The following ASIP variants were observed in gnomAD, a reference collection of about 807,000 sequenced individuals.
ASIP encodes agouti signaling protein.
Under a neutral mutation model 10.3 loss-of-function variants are expected in ASIP, and 11 were observed. The observed-to-expected ratio is 1.07, with a 90% CI of 0.68 to 1.78. The LOEUF is 1.78. Ranked by LOEUF, ASIP falls within the 40% of genes most tolerant of loss-of-function variation. The probability of loss-of-function intolerance (pLI) is 0.00; values close to 1 mark genes in which losing one functional copy is unlikely to be tolerated. For missense variants in ASIP, 180 were observed against 169.2 expected, an observed-to-expected ratio of 1.06 and a Z score of -0.35; for synonymous variants, 70 against 70.8, an observed-to-expected ratio of 0.99 and a Z score of 0.06.
intron 1 of ASIP, among the ~76,000 whole-genome samples, chr20:34,209,662 G>C (rs976714491): frequency 1.1e-4 from 16 of 152,224 alleles, no homozygotes; most frequent in Admixed American, 4.6e-4. Context: ...TACACTTGGG[G>C]CAGTGTTGAC....
chr20:34,242,617 T>C (rs2035301371), intron 1 of ASIP, among the ~76,000 whole-genome samples: 1 of 152,236 alleles, frequency 6.6e-6, no homozygotes, highest in African/African-American at 2.4e-5. Flanking sequence ...CAAAACAAAA[T>C]GAAAAACACT....
At chr20:34,217,735 T>G (rs1365849997) in intron 1 of ASIP, among the ~76,000 whole-genome samples, 2 of 152,234 alleles carry the variant, frequency 1.3e-5, no homozygotes, top group Non-Finnish European at 1.5e-5. Flanking sequence ...CTAATTTTTT[T>G]GTACTTTTAG....
At chr20:34,210,656 G>A (rs2034968674) in intron 1 of ASIP, among the ~76,000 whole-genome samples, 1 of 152,222 alleles carries the variant, frequency 6.6e-6, no homozygotes, top group Non-Finnish European at 1.5e-5. Flanking sequence ...TCAGGCAAAG[G>A]TGCCACCAGC....
At chr20:34,262,597 G>A (rs61409894) in intron 2 of ASIP, among the ~76,000 whole-genome samples, 4,454 of 152,240 alleles carry the variant, frequency 0.029, 253 homozygotes, top group African/African-American at 0.1. Flanking sequence ...GTGCCTGCTT[G>A]GATTTCCCAT....
upstream of ASIP, among the ~76,000 whole-genome samples, chr20:34,190,994 AT>A (rs2034821420): frequency 2.0e-5 from 3 of 152,186 alleles, no homozygotes; most frequent in African/African-American, 7.2e-5. Flanking sequence ...ACAGAGCAGC[AT>A]GCACCCCCAT....
chr20:34,264,013 A>C (rs1316484443), intron 3 of ASIP, among the ~76,000 whole-genome samples: 1 of 152,208 alleles, frequency 6.6e-6, no homozygotes. Flanking sequence ...TGACAATTAG[A>C]AAAAACAGGT....
upstream of ASIP, among the ~76,000 whole-genome samples, chr20:34,241,108 A>C (rs1414068332): frequency 6.6e-6 from 1 of 152,168 alleles, no homozygotes; most frequent in African/African-American, 2.4e-5. Flanking sequence ...TTGCACCGTA[A>C]ATAGGAGGAA....
At chr20:34,246,297 C>G (rs1417898170) in intron 1 of ASIP, 1 of 1,546,840 alleles carries the variant, frequency 6.5e-7, no homozygotes, top group African/African-American at 1.4e-5. Flanking sequence ...GTTCCTTGAC[C>G]CTCACTAATT....
chr20:34,243,356 A>G (rs1393616371), intron 1 of ASIP, among the ~76,000 whole-genome samples: 1 of 152,252 alleles, frequency 6.6e-6, no homozygotes, highest in African/African-American at 2.4e-5. Flanking sequence ...TCTGTTAGGC[A>G]TAACAATTAG....
chr20:34,220,668 A>C (rs1423592246), intron 1 of ASIP, among the ~76,000 whole-genome samples: 1 of 152,146 alleles, frequency 6.6e-6, no homozygotes, highest in East Asian at 1.9e-4. Flanking sequence ...AACACGGGGA[A>C]TCAGGGAAGC....
rs1408300401 is a variant in ASIP at position 34,226,760 on chromosome 20, T to C, written c.-11+32000T>C. Among the ~76,000 whole-genome samples the C allele has an allele frequency of 5.9e-5, 9 of 152,316 alleles. No individual in the cohort carries two copies. The East Asian group carries it at 1.3e-3, about 23-fold the overall frequency. On this transcript the variant is annotated intron_variant, in intron 1 of 3. Transcript: ENST00000568305. ...AGCTAACTTACATACTTAATTTTTTTTTATGTTTTATAGAGATGGGGTCTT... is the reference window on the plus strand; with the variant it reads ...AGCTAACTTACATACTTAATTTTTTCTTATGTTTTATAGAGATGGGGTCTT...
intron 1 of ASIP, chr20:34,214,529 C>T: frequency 6.6e-7 from 1 of 1,505,670 alleles, no homozygotes; most frequent in Non-Finnish European, 9.2e-7. Context: ...ATTGCTACTT[C>T]AACTTCCATG....
At chr20:34,220,953 CTTTTTT>C (rs10661983) in intron 1 of ASIP, among the ~76,000 whole-genome samples, 9 of 109,758 alleles carry the variant, frequency 8.2e-5, no homozygotes, top group African/African-American at 2.0e-4. Flanking sequence ...TTCTTTCCTT[CTTTTTT>C]TTTTTTTTTT....
At chr20:34,201,049 TTTCTTTCTTTCTTTTTTTTCC>T (rs2034895512) in intron 1 of ASIP, among the ~76,000 whole-genome samples, 1 of 124,880 alleles carries the variant, frequency 8.0e-6, no homozygotes, top group African/African-American at 2.9e-5. Context: ...TCTTTCTTTC[TTTCTTTCTTTCTTTTTTTTCC>T]TCCAGAATGT....
chr20:34,203,733 A>T lies in ASIP; in HGVS notation c.-11+8973A>T, dbSNP rs187795719. Among the ~76,000 whole-genome samples, 1,041 of 151,792 alleles carry T rather than the reference A, an allele frequency of 6.9e-3. 13 individuals carry two copies. The highest frequency in any genetic ancestry group is 0.024 in the African/African-American group (984 of 41,346). On this transcript the variant is annotated intron_variant, in intron 1 of 3. Coordinates refer to the ASIP transcript ENST00000568305. The stretch of plus-strand genomic sequence containing the variant: ...GTATTTTAATTTTATTTATTTATTT[A>T]TTTTTTGAGATGGAGTTTCGCTCTT...
At chr20:34,214,721 A>G (rs1268102830) in intron 1 of ASIP, 6 of 1,148,944 alleles carry the variant, frequency 5.2e-6, no homozygotes, top group East Asian at 4.7e-5. Context: ...TCATAAGTCA[A>G]TTTTTTCATA....
intron 1 of ASIP, among the ~76,000 whole-genome samples, chr20:34,204,221 A>T (rs1371207920): frequency 6.7e-6 from 1 of 149,158 alleles, no homozygotes; most frequent in Non-Finnish European, 1.5e-5. Flanking sequence ...TTATTTTTTT[A>T]ATTTTTTTTT....
intron 1 of ASIP, among the ~76,000 whole-genome samples, chr20:34,199,134 G>GAATT (rs3082209): frequency 0.25 from 38,166 of 151,720 alleles, 8,700 homozygotes; most frequent in African/African-American, 0.61. Context: ...GGTATTACAT[G>GAATT]AATACCACAA....
chr20:34,258,664 A>G (rs2035615285), intron 1 of ASIP, among the ~76,000 whole-genome samples: 1 of 15,892 alleles, frequency 6.3e-5, no homozygotes, highest in Non-Finnish European at 2.3e-4. Context: ...ATATCTTAGA[A>G]GGGGGATGCC....
Sources: allele counts gnomAD v4.1 joint callset (sites outside exome capture counted in the v4.1 genomes callset), GRCh38; gene constraint gnomAD v4.1.1; transcripts MANE v1.5; gene names NCBI Gene and HGNC (gene_info 2026-07-23, HGNC 2026-07-21).